CDR2L: variants seen among roughly 807,000 people sequenced by gnomAD.
The protein encoded by CDR2L is cerebellar degeneration related protein 2 like.
CDR2L carries 19 observed loss-of-function variants against 36.1 expected under a neutral mutation model. That is an observed-to-expected ratio of 0.53 (90% CI 0.37 to 0.77). The LOEUF (loss-of-function observed/expected upper bound fraction) is 0.77, where lower values mean the gene tolerates loss of function less well. CDR2L is among the 30% of genes least tolerant of loss of function. The pLI is 0.00. For missense variants in CDR2L, 575 were observed against 627.2 expected (o/e 0.92, Z 0.89); for synonymous variants, 285 against 280.4 (o/e 1.02, Z -0.16).
rs1303689177 is a variant in CDR2L at position 75,003,747 on chromosome 17, C to T, written c.1071C>T (p.Asp357=). 3.4e-6 allele frequency: 5 copies of T among 1,479,486 alleles called. No homozygotes were observed. The highest frequency in any genetic ancestry group is 4.9e-5 in the Admixed American group (2 of 40,972). The allele number at this position is 1,479,486 out of a possible 1,614,324, so 91.6% of individuals were successfully genotyped here. A position where few individuals can be genotyped will look rare whatever the true frequency, so the allele number is the denominator to read the frequency against. Residue 357 remains aspartate (D), a synonymous_variant, in exon 5 of 5, where the codon GAC becomes GAT. Transcript: ENST00000337231. ...GCATGTCCATCCTGCGGGAGGTGGA[C>T]GAGCAGTACCACGCGCTGCTGGAGA... ...KRGMSILREV[D]EQYHALLEKY...
intron 1 of CDR2L, among the ~76,000 whole-genome samples, chr17:74,996,171 C>T (rs1422369207): frequency 6.6e-6 from 1 of 152,124 alleles, no homozygotes; most frequent in Non-Finnish European, 1.5e-5. Context: ...AGGCCAGGCA[C>T]AGTGACTCAC....
chr17:74,998,185 A>C (rs2039842750), intron 1 of CDR2L, among the ~76,000 whole-genome samples: 1 of 152,044 alleles, frequency 6.6e-6, no homozygotes, highest in African/African-American at 2.4e-5. Context: ...AGATCGCGCC[A>C]CTGCACTCCA....
chr17:75,000,545 G>A (rs181375077), intron 2 of CDR2L, among the ~76,000 whole-genome samples: 2,528 of 141,402 alleles, frequency 0.018, 34 homozygotes, highest in Non-Finnish European at 0.029. Context: ...TGATCTGCCC[G>A]CCTCAGCCTC....
rs1053837581 is a variant in CDR2L at position 74,989,143 on chromosome 17, C to A, written c.79+1021C>A. ...TGTGGCCTGCTGTGGTGTGCCCACA[C>A]CCTGGTCTCCATCCACAAGGCTCCA... On this transcript the variant is annotated intron_variant, in intron 1 of 4. Transcript: ENST00000337231. This position sits in a 1 kb window ranked among gnomAD's most constrained non-coding sequence, Gnocchi z 4.2. Among the ~76,000 whole-genome samples, 2 of 152,158 alleles carry A rather than the reference C, an allele frequency of 1.3e-5. No individual in the cohort carries two copies. Among genetic ancestry groups the A allele is most frequent in the Non-Finnish European group, 2.9e-5 (2 of 68,030 alleles).
In CDR2L at chr17:75,004,905, AC is replaced by A. The variant is rs1241771120; in HGVS notation, c.*833del. On this transcript the variant is annotated 3_prime_UTR_variant, in exon 5 of 5. Transcript: ENST00000337231. ...CAGTGGGGAGCCCCCATCCCTTCAC[AC>A]CGCCACCAACTAACCAAGCTTGGCC... 6.6e-6 allele frequency: 1 copy of A among 152,592 alleles called. No homozygotes were observed. The highest frequency in any genetic ancestry group is 2.1e-4 in the South Asian group (1 of 4,792). 9.5% of individuals were successfully genotyped at this position (152,592 alleles called of 1,614,324 possible).
intron 1 of CDR2L, among the ~76,000 whole-genome samples, chr17:74,990,711 G>A (rs973663499): frequency 1.3e-5 from 2 of 152,226 alleles, no homozygotes; most frequent in African/African-American, 2.4e-5. Flanking sequence ...CATCAGACAC[G>A]GGTTCTGTGG....
chr17:75,002,069 C>G lies in CDR2L; in HGVS notation c.347C>G (p.Thr116Arg). The G allele has an allele frequency of 6.3e-7, 1 of 1,587,744 alleles. No individual in the cohort carries two copies. Among genetic ancestry groups the G allele is most frequent in the African/African-American group, 1.4e-5 (1 of 73,936 alleles). ...KAAQQKIHGL[T>R]ETIERLQAQV... ...GTCCACCACCCCGCCCCCAGGCTGA[C>G]GGAGACCATTGAGCGCCTCCAGGCT... The change falls in exon 4 of 5, where the codon ACG becomes AGG. Residue 116 changes from threonine to arginine, a missense_variant. Transcript: ENST00000337231. This position sits in a 1 kb window ranked among gnomAD's most constrained non-coding sequence, Gnocchi z 4.1.
chr17:74,992,773 G>A (rs781050831), intron 1 of CDR2L, among the ~76,000 whole-genome samples: 35 of 152,142 alleles, frequency 2.3e-4, no homozygotes, highest in Non-Finnish European at 4.1e-4. Context: ...GGCCCAAGTC[G>A]ATTCACTGCC....
intron 1 of CDR2L, among the ~76,000 whole-genome samples, chr17:74,997,919 T>TAAAAAAA (rs35218405): frequency 7.9e-6 from 1 of 126,002 alleles, no homozygotes; most frequent in Non-Finnish European, 1.6e-5. Flanking sequence ...TTTTAGAAGT[T>TAAAAAAA]AAAAAAAAAA....
intron 1 of CDR2L, among the ~76,000 whole-genome samples, chr17:74,997,078 TTCTTTC>T (rs1246291491): frequency 0.25 from 1,444 of 5,812 alleles, 126 homozygotes; most frequent in Non-Finnish European, 0.41. Flanking sequence ...CTTTCTTTCT[TTCTTTC>T]TTTTTTTTTT....
At chr17:75,000,710 C>T (rs1379501619) in intron 2 of CDR2L, among the ~76,000 whole-genome samples, 2 of 149,672 alleles carry the variant, frequency 1.3e-5, no homozygotes, top group African/African-American at 2.5e-5. Context: ...GTCAGGAGAT[C>T]GAGACCATCC....
intron 2 of CDR2L, among the ~76,000 whole-genome samples, chr17:75,000,852 A>G (rs1300051620): frequency 6.7e-6 from 1 of 149,934 alleles, no homozygotes; most frequent in Non-Finnish European, 1.5e-5. Flanking sequence ...CAAGAGGTGG[A>G]GCTTGCAGTG....
chr17:74,988,663 A>C (rs141285980), intron 1 of CDR2L, among the ~76,000 whole-genome samples: 4 of 152,296 alleles, frequency 2.6e-5, no homozygotes, highest in African/African-American at 9.6e-5. Flanking sequence ...CTGGTGAAGA[A>C]GCAGAAAGTC....
rs921376106 is a variant in CDR2L, at chr17:75,004,157, C to T, written c.*83C>T. Reference sequence around the variant, plus strand: ...GGCGGTGCAGCTTCCAGAGAGCGAGCGCCCTTTAGCGGCCTGCCACCACAG... The same window carrying T: ...GGCGGTGCAGCTTCCAGAGAGCGAGTGCCCTTTAGCGGCCTGCCACCACAG... On this transcript the variant is annotated 3_prime_UTR_variant, in exon 5 of 5. Transcript: ENST00000337231. The T allele has an allele frequency of 1.6e-6, 2 of 1,225,402 alleles. No homozygotes were observed. Among genetic ancestry groups the T allele is most frequent in the African/African-American group, 1.5e-5 (1 of 65,096 alleles). 75.9% of individuals were successfully genotyped at this position (1,225,402 alleles called of 1,614,324 possible).
chr17:74,999,352 CAG>C (rs2039850459), intron 1 of CDR2L, among the ~76,000 whole-genome samples, 150 bp from the exon 2 acceptor site: 1 of 149,736 alleles, frequency 6.7e-6, no homozygotes, highest in Non-Finnish European at 1.5e-5. Context: ...GCAGAAATAA[CAG>C]TGCAAAGGCT....
In CDR2L at chr17:75,003,526, G is replaced by A. The variant is rs1199040868; in HGVS notation, c.850G>A (p.Glu284Lys). 1 of 1,520,606 alleles carries A rather than the reference G, an allele frequency of 6.6e-7. No homozygotes were observed. Among genetic ancestry groups the A allele is most frequent in the East Asian group, 2.5e-5 (1 of 40,608 alleles). The allele number at this position is 1,520,606 out of a possible 1,614,324, so 94.2% of individuals were successfully genotyped here. A position where few individuals can be genotyped will look rare whatever the true frequency, so the allele number is the denominator to read the frequency against. Residue 284 changes from glutamate to lysine, a missense_variant, in exon 5 of 5, where the codon GAG becomes AAG. Coordinates refer to ENST00000337231, the MANE Select transcript of CDR2L (RefSeq NM_014603.3). ...GCTCGCACCCCTCACGCAGGCCCCT[G>A]AGGCCGACGATCCCCAGCCCGGCCG... is the stretch of plus-strand genomic sequence containing the variant. ...ALLAPLTQAP[E>K]ADDPQPGRGD...
In CDR2L at chr17:75,003,261, G is replaced by C. The variant is rs1329441956; in HGVS notation, c.585G>C (p.Leu195=). 5.8e-6 allele frequency: 9 copies of C among 1,559,248 alleles called. No individual in the cohort carries two copies. The highest frequency in any genetic ancestry group is 3.6e-4 in the Middle Eastern group (2 of 5,500). ...PRPLEQENER[L]QTLVGALRSQ... ...CCCTGGAGCAGGAGAACGAGCGGCT[G>C]CAGACCCTGGTGGGGGCGCTGCGCT... Residue 195 remains leucine, a synonymous_variant, in exon 5 of 5, where the codon CTG becomes CTC. Transcript: ENST00000337231.
chr17:75,001,356 C>A lies in CDR2L; in HGVS notation c.208C>A (p.Leu70Met). 1 of 1,608,240 alleles carries A rather than the reference C, an allele frequency of 6.2e-7. No individual in the cohort carries two copies. The highest frequency in any genetic ancestry group is 1.1e-5 in the South Asian group (1 of 90,068). Residue 70 changes from leucine (L) to methionine (M), a missense_variant, in exon 3 of 5, where the codon CTG becomes ATG. By Grantham distance (15) the Leu-to-Met change is conservative. Transcript: ENST00000337231. ...VQEIEYLTKQ[L>M]DTLRHVNEQH... ...CCACCCCCAGTACCTAACCAAGCAG[C>A]TGGACACGCTGCGGCACGTGAACGA...
At position 75,003,175 on chromosome 17, in the gene CDR2L, C is replaced by T; in HGVS notation, c.507-8C>T. ...CCCCACCCCGCTGCGACTCTCACTA[C>T]CCGCCAGGTGCAAGGATGCTTTCCG... On this transcript the variant is annotated splice_region_variant and splice_polypyrimidine_tract_variant and intron_variant, in intron 4 of 4. Coordinates refer to ENST00000337231, the MANE Select transcript of CDR2L (RefSeq NM_014603.3). The T allele has an allele frequency of 6.4e-7, 1 of 1,557,036 alleles. No individual in the cohort carries two copies. Among genetic ancestry groups the T allele is most frequent in the Non-Finnish European group, 8.7e-7 (1 of 1,151,356 alleles).
Sources: gnomAD v4.1 joint callset for allele counts (sites outside exome capture counted in the v4.1 genomes callset) on GRCh38, gnomAD v4.1.1 for gene constraint, Gnocchi (gnomAD v3.1) non-coding constraint, MANE v1.5 for transcripts, NCBI Gene and HGNC (gene_info 2026-07-23, HGNC 2026-07-21) for gene names.